ADD2: variants seen among roughly 807,000 people sequenced by gnomAD.
The protein encoded by ADD2 is adducin 2.
Under a neutral mutation model 83.0 loss-of-function variants are expected in ADD2, and 23 were observed. That is an observed-to-expected ratio of 0.28 (90% CI 0.20 to 0.39). The LOEUF is 0.39. Ranked by LOEUF, ADD2 falls within the 10% of genes least tolerant of loss-of-function variation. The probability of loss-of-function intolerance (pLI) is 1.00; values close to 1 mark genes in which losing one functional copy is unlikely to be tolerated. For missense variants in ADD2, 758 were observed against 944.9 expected (o/e 0.80, Z 2.59); for synonymous variants, 375 against 375.4 (o/e 1.00, Z 0.01).
intron 15 of ADD2, among the ~76,000 whole-genome samples, chr2:70,670,701 A>G (rs1553366919): frequency 6.6e-6 from 1 of 152,176 alleles, no homozygotes; most frequent in East Asian, 1.9e-4. Context: ...GGTGGGCTAG[A>G]TGTGAAAGAG....
At chr2:70,763,485 GA>G (rs1384117682) in intron 1 of ADD2, among the ~76,000 whole-genome samples, 2 of 151,914 alleles carry the variant, frequency 1.3e-5, no homozygotes, top group Non-Finnish European at 2.9e-5. Context: ...CCTTTTGGCA[GA>G]AAAAATTTCT....
intron 12 of ADD2, 42 bp downstream of exon 12, chr2:70,677,716 A>C: frequency 6.2e-7 from 1 of 1,603,468 alleles, no homozygotes; most frequent in Non-Finnish European, 8.5e-7. Flanking sequence ...GAGACCCCCC[A>C]GTGTGGGAGA....
At chr2:70,766,112 T>A (rs1324274246) in intron 1 of ADD2, among the ~76,000 whole-genome samples, 1 of 152,228 alleles carries the variant, frequency 6.6e-6, no homozygotes, top group Non-Finnish European at 1.5e-5. Context: ...GGCATTGTTG[T>A]ACATTGTGTA....
At chr2:70,747,179 T>C (rs1240222400) in intron 1 of ADD2, among the ~76,000 whole-genome samples, 1 of 151,740 alleles carries the variant, frequency 6.6e-6, no homozygotes, top group Non-Finnish European at 1.5e-5. Flanking sequence ...CCCAGCTAAT[T>C]TTTTGTATTT....
chr2:70,668,419 A>C (rs77538195), intron 15 of ADD2, among the ~76,000 whole-genome samples: 2,974 of 152,318 alleles, frequency 0.02, 64 homozygotes, highest in Admixed American at 0.057. Flanking sequence ...CTGACATTGG[A>C]CAATGAGCTC....
At chr2:70,696,202 A>G (rs374684085) in intron 5 of ADD2, 43 bp downstream of exon 5, 40 of 1,591,814 alleles carry the variant, frequency 2.5e-5, no homozygotes, top group African/African-American at 4.0e-5. Flanking sequence ...GTTTTGTGGG[A>G]CCACATGCAG....
Position 70,704,406 on chromosome 2 carries a change from G to A in ADD2, c.237C>T (p.Asn79=). ...GLIQEQMKKG[N]NSSNIWALRQ... is the part of the protein sequence containing the mutation. Reference sequence around the variant, plus strand: ...GCAGGGCCCAGATGTTGGAGGAGTTGTTCCCCTTCTTCATCTGCTCCTGGA... The same window carrying A: ...GCAGGGCCCAGATGTTGGAGGAGTTATTCCCCTTCTTCATCTGCTCCTGGA... Residue 79 remains asparagine, a synonymous_variant, in exon 4 of 16, where the codon AAC becomes AAT. Transcript: ENST00000264436. 6.2e-7 allele frequency: 1 copy of A among 1,614,120 alleles called. No homozygotes were observed.
intron 4 of ADD2, among the ~76,000 whole-genome samples, chr2:70,699,790 C>CAA (rs201709703): frequency 2.6e-5 from 4 of 151,234 alleles, no homozygotes; most frequent in African/African-American, 9.7e-5. Flanking sequence ...AAAAACAAAA[C>CAA]AAAAAAAACC....
intron 4 of ADD2, among the ~76,000 whole-genome samples, chr2:70,700,356 G>A (rs1671527726): frequency 6.6e-6 from 1 of 151,980 alleles, no homozygotes; most frequent in African/African-American, 2.4e-5. Flanking sequence ...ATAGCTCTTA[G>A]AAGAAAAATA....
intron 4 of ADD2, 58 bp downstream of exon 4, chr2:70,704,263 T>TGGCCCCCCCCCCCCACCCCCCC: frequency 1.1e-6 from 1 of 913,236 alleles, no homozygotes; most frequent in Non-Finnish European, 1.7e-6. Context: ...CTCCCTCTCT[T>TGGCCCCCCCCCCCCACCCCCCC]CCCCACCCCA....
chr2:70,689,763 C>A (rs1342158481), intron 8 of ADD2, among the ~76,000 whole-genome samples: 1 of 152,202 alleles, frequency 6.6e-6, no homozygotes, highest in Admixed American at 6.5e-5. Flanking sequence ...ACTGAGCTAA[C>A]CATCCCCAAA....
chr2:70,708,217 T>G (rs1370331702), intron 2 of ADD2, among the ~76,000 whole-genome samples: 10 of 152,304 alleles, frequency 6.6e-5, no homozygotes, highest in African/African-American at 1.9e-4. Context: ...TGTTCTTGTT[T>G]GCATTCTTCC....
chr2:70,673,350 TTG>T (rs1244359601), intron 14 of ADD2: 1 of 1,608,352 alleles, frequency 6.2e-7, no homozygotes, highest in Non-Finnish European at 8.5e-7. Flanking sequence ...GCCAGGAGCT[TTG>T]TGTCGTGAGC....
At chr2:70,684,883 G>A (rs1428420215) in intron 9 of ADD2, among the ~76,000 whole-genome samples, 1 of 152,160 alleles carries the variant, frequency 6.6e-6, no homozygotes, top group Non-Finnish European at 1.5e-5. Context: ...GGCAATTTTG[G>A]AATGATCCTA....
In ADD2 at chr2:70,706,864, A is replaced by T. The variant is rs1011230964; in HGVS notation, c.-34-422T>A. Among the ~76,000 whole-genome samples the T allele has an allele frequency of 2.6e-5, 4 of 152,196 alleles. No homozygotes were observed. The highest frequency in any genetic ancestry group is 2.0e-4 in the Admixed American group (3 of 15,282). ...AACCCTCTAATAAGGCCCCTCAAAA[A>T]TTATGGTGGAAATAGCTAATGCATG... On this transcript the variant is annotated intron_variant, in intron 2 of 15. Coordinates refer to ENST00000264436, the MANE Select transcript of ADD2 (RefSeq NM_001617.4). This position sits in a 1 kb window ranked among gnomAD's most constrained non-coding sequence, Gnocchi z 5.0.
At chr2:70,699,954 A>G (rs1008651700) in intron 4 of ADD2, among the ~76,000 whole-genome samples, 3 of 152,250 alleles carry the variant, frequency 2.0e-5, no homozygotes, top group Non-Finnish European at 4.4e-5. Flanking sequence ...GAAGCTATTT[A>G]ATAGGTCATT....
intron 2 of ADD2, among the ~76,000 whole-genome samples, chr2:70,710,233 C>T (rs1217167483): frequency 6.6e-6 from 1 of 152,222 alleles, no homozygotes; most frequent in African/African-American, 2.4e-5. Flanking sequence ...GAACTCTCAG[C>T]TTCTCTGGGA....
At chr2:70,682,837 T>C (rs531324894) in intron 10 of ADD2, among the ~76,000 whole-genome samples, 1 of 152,290 alleles carries the variant, frequency 6.6e-6, no homozygotes, top group East Asian at 1.9e-4. Context: ...GATTGGTTCA[T>C]TTATTCATTA....
chr2:70,749,530 G>T (rs78532122), intron 1 of ADD2, among the ~76,000 whole-genome samples: 2,749 of 151,760 alleles, frequency 0.018, 77 homozygotes, highest in African/African-American at 0.064. Flanking sequence ...TCCCTATCAG[G>T]GAACAATATG....
Sources: gnomAD v4.1 joint callset for allele counts (sites outside exome capture counted in the v4.1 genomes callset) on GRCh38, gnomAD v4.1.1 for gene constraint, Gnocchi (gnomAD v3.1) non-coding constraint, MANE v1.5 for transcripts, NCBI Gene and HGNC (gene_info 2026-07-23, HGNC 2026-07-21) for gene names.